The following MCCC1 variants were observed in gnomAD, a reference collection of about 807,000 sequenced individuals.
MCCC1 encodes methylcrotonyl-CoA carboxylase subunit 1.
Under a neutral mutation model 83.8 loss-of-function variants are expected in MCCC1, and 64 were observed. That is an observed-to-expected ratio of 0.76 (90% CI 0.62 to 0.94). The LOEUF is 0.94. Ranked by LOEUF, MCCC1 falls within the 40% of genes least tolerant of loss-of-function variation. The pLI, the probability that MCCC1 is intolerant of heterozygous loss-of-function variation, is 0.00. For synonymous variants in MCCC1, 322 were observed against 315.4 expected (o/e 1.02, Z -0.22); for missense variants, 807 against 904.7 (o/e 0.89, Z 1.39).
At chr3:183,025,633 TTCTCTTAACTACAGTCATA>T in intron 15 of MCCC1, 103 bp downstream of exon 15, 4 of 898,556 alleles carry the variant, frequency 4.5e-6, no homozygotes, top group Non-Finnish European at 7.3e-6. Context: ...GCATAAGATA[TTCTCTTAACTACAGTCATA>T]ATAGTCAAAG....
chr3:183,034,187 A>C (rs1713324909), intron 13 of MCCC1, 110 bp from the exon 14 acceptor site: 1 of 765,442 alleles, frequency 1.3e-6, no homozygotes, highest in Admixed American at 2.0e-5. Flanking sequence ...ACAGTGGCTC[A>C]TGCCTGTAAT....
chr3:183,042,885 G>A (rs1438665121), intron 10 of MCCC1, among the ~76,000 whole-genome samples: 2 of 152,142 alleles, frequency 1.3e-5, no homozygotes, highest in Non-Finnish European at 2.9e-5. Flanking sequence ...TCCCATTACT[G>A]GGTATATACC....
intron 1 of MCCC1, among the ~76,000 whole-genome samples, chr3:183,111,970 G>C (rs1719502460): frequency 6.6e-6 from 1 of 151,576 alleles, no homozygotes; most frequent in Admixed American, 6.6e-5. Flanking sequence ...TTGAAACATT[G>C]TTTTGGCTTT....
chr3:183,015,757 A>G (rs1406766953), intron 18 of MCCC1, among the ~76,000 whole-genome samples, 191 bp from the exon 19 acceptor site: 2 of 152,194 alleles, frequency 1.3e-5, no homozygotes, highest in Non-Finnish European at 2.9e-5. Flanking sequence ...CAGGGAGAAC[A>G]GTAACAAGTT....
At position 183,064,951 on chromosome 3, in the gene MCCC1, C is replaced by G. The variant is rs1480894033; in HGVS notation, c.761+6048G>C. On this transcript the variant is annotated intron_variant, in intron 7 of 18. Transcript: ENST00000265594. The surrounding 1 kb of genome is among the most constrained non-coding windows in gnomAD (Gnocchi z 4.5). ...GCAATGCTTTTCTCCCTTCCCTTCC[C>G]TTTCTCTCTCTGTGCAAACTGGTTG... Among the ~76,000 whole-genome samples, 1 of 152,196 alleles carries G rather than the reference C, an allele frequency of 6.6e-6. No individual in the cohort carries two copies. The highest frequency in any genetic ancestry group is 2.4e-5 in the African/African-American group (1 of 41,442).
At chr3:183,017,143 A>C in intron 18 of MCCC1, 123 bp downstream of exon 18, 1 of 907,984 alleles carries the variant, frequency 1.1e-6, no homozygotes, top group South Asian at 1.3e-5. Context: ...CCTACAATTA[A>C]TGCTTCGTCA....
At chr3:183,107,156 G>A (rs1400312304) in intron 1 of MCCC1, among the ~76,000 whole-genome samples, 2 of 152,088 alleles carry the variant, frequency 1.3e-5, no homozygotes, top group Non-Finnish European at 2.9e-5. Context: ...TGTAATCCCA[G>A]CACTTTGGGA....
Position 183,092,473 on chromosome 3 carries a change from T to C in MCCC1, c.209A>G (p.Lys70Arg). 6.2e-7 allele frequency: 1 copy of C among 1,614,210 alleles called. No individual in the cohort carries two copies. The highest frequency in any genetic ancestry group is 8.5e-7 in the Non-Finnish European group (1 of 1,180,032). Residue 70 changes from lysine to arginine, a missense_variant, in exon 3 of 19, where the codon AAA (lysine) becomes AGA (arginine). Lys to Arg is a conservative substitution (Grantham distance 26). Transcript: ENST00000265594. ...AACCGCCACAGTCTGTACACCCAGT[T>C]TTTTGGCTGTGCGCATCACCCTGCA... ...IACRVMRTAK[K>R]LGVQTVAVYS...
Position 183,022,397 on chromosome 3 carries a change from T to C in MCCC1, c.1869+20A>G. ...TTTCTCCCATGCCCCAGGAGGGATA[T>C]TATAAAGAAGAGACATTACCTTGGA... is the stretch of plus-strand genomic sequence containing the variant. On this transcript the variant is annotated intron_variant, in intron 16 of 18. Coordinates refer to ENST00000265594, the MANE Select transcript of MCCC1 (RefSeq NM_020166.5). 1.9e-6 allele frequency: 3 copies of C among 1,613,516 alleles called. No homozygotes were observed. The highest frequency in any genetic ancestry group is 1.1e-5 in the South Asian group (1 of 91,070).
intron 3 of MCCC1, chr3:183,090,913 G>A (rs1198661238): frequency 2.2e-6 from 1 of 450,874 alleles, no homozygotes; most frequent in Non-Finnish European, 4.5e-6. Flanking sequence ...AAGACAAGAA[G>A]AGAAGGGATC....
intron 1 of MCCC1, among the ~76,000 whole-genome samples, chr3:183,096,479 CAAGAT>C (rs1718744923): frequency 6.6e-6 from 1 of 152,160 alleles, no homozygotes; most frequent in Admixed American, 6.5e-5. Context: ...TCACAAAGCA[CAAGAT>C]AAAAGCACAG....
At chr3:183,102,433 C>G (rs1029014713), upstream of MCCC1, among the ~76,000 whole-genome samples, 1 of 152,000 alleles carries the variant, frequency 6.6e-6, no homozygotes, top group Admixed American at 6.6e-5. Flanking sequence ...TGTAAATAAG[C>G]AAGGTTTATT....
rs769662243 is a variant in MCCC1 at position 183,045,424 on chromosome 3, A to T, written c.1072T>A (p.Trp358Arg). The T allele has an allele frequency of 6.2e-7, 1 of 1,613,830 alleles. No individual in the cohort carries two copies. The highest frequency in any genetic ancestry group is 1.7e-5 in the Admixed American group (1 of 59,976). Reference sequence around the variant, plus strand: ...AAAAATATTCTCACTCTAAGCTGCCACTCCACCAAGTCAGTTCCTGTGATC... The same window carrying T: ...AAAAATATTCTCACTCTAAGCTGCCTCTCCACCAAGTCAGTTCCTGTGATC... ...EMITGTDLVEWQLRIAAGEKI... is the reference protein window; with the variant it reads ...EMITGTDLVERQLRIAAGEKI... Residue 358 changes from tryptophan (W) to arginine (R), a missense_variant, in exon 10 of 19, where the codon TGG (tryptophan) becomes AGG (arginine). Physicochemically the swap from Trp to Arg is moderately radical, Grantham distance 101. Transcript: ENST00000265594.
upstream of MCCC1, among the ~76,000 whole-genome samples, chr3:183,102,976 C>T (rs192114039): frequency 8.7e-5 from 13 of 150,156 alleles, no homozygotes; most frequent in East Asian, 2.6e-3. Context: ...TTAGTAGAGA[C>T]GAGGTTTTGT....
chr3:183,102,213 T>A (rs1022158109), upstream of MCCC1, among the ~76,000 whole-genome samples: 6 of 151,650 alleles, frequency 4.0e-5, no homozygotes, highest in African/African-American at 7.3e-5. Flanking sequence ...AACATTTTTT[T>A]AAAAAAACTG....
intron 8 of MCCC1, among the ~76,000 whole-genome samples, chr3:183,054,378 G>C (rs992611631): frequency 6.6e-5 from 10 of 151,498 alleles, no homozygotes; most frequent in African/African-American, 2.4e-4. Context: ...TAGTAGAGAC[G>C]GGGTTTCACT....
At chr3:183,059,684 C>T (rs1215448649) in intron 7 of MCCC1, among the ~76,000 whole-genome samples, 2 of 152,298 alleles carry the variant, frequency 1.3e-5, no homozygotes, top group South Asian at 2.1e-4. Context: ...ACCTGCAAGA[C>T]AGGTCTACTG....
rs1264498881 is a variant in MCCC1 at position 183,045,534 on chromosome 3, A to C, written c.962T>G (p.Val321Gly). 1.2e-6 allele frequency: 2 copies of C among 1,613,988 alleles called. No individual in the cohort carries two copies. Among genetic ancestry groups the C allele is most frequent in the Admixed American group, 1.7e-5 (1 of 60,022 alleles). ...KAVNYVGAGT[V>G]EFIMDSKHNF... ...ATGTTTTGAGTCCATAATAAACTCCACAGTCCCTAAAAGGTAAAAAACAAT... is the reference window on the plus strand; with the variant it reads ...ATGTTTTGAGTCCATAATAAACTCCCCAGTCCCTAAAAGGTAAAAAACAAT... Residue 321 changes from valine to glycine, a missense_variant, in exon 10 of 19, where the codon GTG (valine) becomes GGG (glycine). Transcript: ENST00000265594.
intron 1 of MCCC1, among the ~76,000 whole-genome samples, chr3:183,105,521 G>A (rs1719388807): frequency 6.6e-6 from 1 of 152,152 alleles, no homozygotes; most frequent in Non-Finnish European, 1.5e-5. Context: ...ATTCCCATAT[G>A]CTTATATATG....
Sources: allele counts gnomAD v4.1 joint callset (sites outside exome capture counted in the v4.1 genomes callset), GRCh38; gene constraint gnomAD v4.1.1; non-coding constraint Gnocchi (gnomAD v3.1); transcripts MANE v1.5; gene names NCBI Gene and HGNC (gene_info 2026-07-23, HGNC 2026-07-21).